The following ARHGAP24 variants were observed in gnomAD, a reference collection of about 807,000 sequenced individuals.
ARHGAP24 encodes rho GTPase-activating protein 24.
In ARHGAP24, 50 loss-of-function variants were observed where a neutral mutation model predicts 76.4. The observed-to-expected ratio is 0.65, with a 90% CI of 0.52 to 0.83. ARHGAP24 has a LOEUF of 0.83. ARHGAP24 is among the 40% of genes least tolerant of loss of function. ARHGAP24 has a pLI of 0.00. For missense variants in ARHGAP24, 930 were observed against 914.2 expected, an observed-to-expected ratio of 1.02 and a Z score of -0.22; for synonymous variants, 345 against 323.3, an observed-to-expected ratio of 1.07 and a Z score of -0.72.
chr4:85,932,573 T>C (rs1446202050), intron 4 of ARHGAP24, among the ~76,000 whole-genome samples: 1 of 152,034 alleles, frequency 6.6e-6, no homozygotes, highest in African/African-American at 2.4e-5. Flanking sequence ...GGAAGAACAT[T>C]CCCATGGACT....
At chr4:85,947,970 A>G (rs1334313159) in intron 5 of ARHGAP24, among the ~76,000 whole-genome samples, 1 of 152,224 alleles carries the variant, frequency 6.6e-6, no homozygotes, top group Non-Finnish European at 1.5e-5. Context: ...AAGGATTCAT[A>G]AATTTACTCT....
intron 1 of ARHGAP24, among the ~76,000 whole-genome samples, chr4:85,531,644 G>T (rs946183615): frequency 9.9e-5 from 15 of 152,130 alleles, no homozygotes; most frequent in South Asian, 8.3e-4. Flanking sequence ...AAATAACTAT[G>T]CAGAGTATAT....
At chr4:85,790,796 C>T (rs1728083603) in intron 3 of ARHGAP24, among the ~76,000 whole-genome samples, 1 of 152,282 alleles carries the variant, frequency 6.6e-6, no homozygotes, top group African/African-American at 2.4e-5. Context: ...TCCATGGCTA[C>T]AGTATATGCT....
At chr4:85,917,281 A>G (rs1735468922) in intron 3 of ARHGAP24, among the ~76,000 whole-genome samples, 1 of 152,044 alleles carries the variant, frequency 6.6e-6, no homozygotes, top group Non-Finnish European at 1.5e-5. Flanking sequence ...CATGGTGTAT[A>G]TGTGCCACAT....
chr4:85,518,828 T>A (rs1022931476), intron 1 of ARHGAP24, among the ~76,000 whole-genome samples: 1 of 152,210 alleles, frequency 6.6e-6, no homozygotes, highest in African/African-American at 2.4e-5. Context: ...TATAAACATG[T>A]GTGTGCAAGT....
At chr4:85,692,294 T>C (rs965731318) in intron 2 of ARHGAP24, among the ~76,000 whole-genome samples, 2 of 152,210 alleles carry the variant, frequency 1.3e-5, no homozygotes, top group African/African-American at 4.8e-5. Flanking sequence ...GGGAATCCAA[T>C]TACTATGTGC....
chr4:85,759,726 G>GAATGGA (rs1726664213), intron 3 of ARHGAP24, among the ~76,000 whole-genome samples: 1 of 152,166 alleles, frequency 6.6e-6, no homozygotes, highest in African/African-American at 2.4e-5. Context: ...GTGGCAGTGG[G>GAATGGA]AATGGAAAGA....
chr4:85,543,020 C>G (rs149242594), intron 1 of ARHGAP24, among the ~76,000 whole-genome samples: 5 of 152,124 alleles, frequency 3.3e-5, no homozygotes, highest in African/African-American at 1.2e-4. Context: ...CTGCTGCTAA[C>G]GATGCTGCTG....
intron 1 of ARHGAP24, among the ~76,000 whole-genome samples, chr4:85,489,491 C>G (rs538338715): frequency 2.0e-5 from 3 of 152,180 alleles, no homozygotes; most frequent in Non-Finnish European, 4.4e-5. Flanking sequence ...GGACTCCTTT[C>G]TTAAACAGGA....
At chr4:85,944,634 T>C (rs1360533553) in intron 5 of ARHGAP24, among the ~76,000 whole-genome samples, 3 of 152,294 alleles carry the variant, frequency 2.0e-5, no homozygotes, top group East Asian at 1.9e-4. Context: ...AGTCATGAAG[T>C]CTTTGTCTGG....
rs142815222 is a variant in ARHGAP24 at position 85,819,957 on chromosome 4, C to T, written c.268+97985C>T. ...AGATGCCAGCATCATGCTTCCTGTACGGCCTATGGAACCATGAGCCAATTA... is the reference window on the plus strand; with the variant it reads ...AGATGCCAGCATCATGCTTCCTGTATGGCCTATGGAACCATGAGCCAATTA... On this transcript the variant is annotated intron_variant, in intron 3 of 9. Transcript: ENST00000395184. Among the ~76,000 whole-genome samples, 866 of 151,046 alleles carry T rather than the reference C, an allele frequency of 5.7e-3. 7 individuals are homozygous for T. Among genetic ancestry groups the T allele is most frequent in the Admixed American group, 0.01 (154 of 15,258 alleles).
At chr4:85,507,001 A>G (rs546572921) in intron 1 of ARHGAP24, among the ~76,000 whole-genome samples, 8 of 152,312 alleles carry the variant, frequency 5.3e-5, no homozygotes, top group African/African-American at 1.4e-4. Context: ...TAAATTTGGT[A>G]GATTCCAATT....
chr4:85,506,054 G>A (rs569671982), intron 1 of ARHGAP24, among the ~76,000 whole-genome samples: 209 of 152,216 alleles, frequency 1.4e-3, no homozygotes, highest in African/African-American at 4.9e-3. Flanking sequence ...ATCAGTGGAG[G>A]CTGCAGAACA....
chr4:85,817,730 C>G (rs1729303355), intron 3 of ARHGAP24, among the ~76,000 whole-genome samples: 1 of 152,106 alleles, frequency 6.6e-6, no homozygotes. Context: ...GTATTTAATA[C>G]AAAAGGTTGG....
chr4:85,650,008 T>C (rs1156459457), intron 2 of ARHGAP24, among the ~76,000 whole-genome samples: 1 of 152,138 alleles, frequency 6.6e-6, no homozygotes, highest in South Asian at 2.1e-4. Context: ...GCCTAGACTT[T>C]CTGCATCCAA....
chr4:85,959,946 T>A (rs1459875806), intron 5 of ARHGAP24, among the ~76,000 whole-genome samples: 1 of 152,192 alleles, frequency 6.6e-6, no homozygotes, highest in Non-Finnish European at 1.5e-5. Flanking sequence ...ATGGCTATTT[T>A]TTACTTTTTA....
At chr4:85,515,215 G>A (rs1052482194) in intron 1 of ARHGAP24, among the ~76,000 whole-genome samples, 5 of 152,228 alleles carry the variant, frequency 3.3e-5, no homozygotes, top group African/African-American at 2.4e-5. Context: ...AAGCAGAGAA[G>A]TATTTTTGTT....
At chr4:85,645,427 A>G (rs1216147398) in intron 2 of ARHGAP24, among the ~76,000 whole-genome samples, 1 of 152,144 alleles carries the variant, frequency 6.6e-6, no homozygotes, top group African/African-American at 2.4e-5. Flanking sequence ...AATCTGCATG[A>G]TAATCAAGAG....
At chr4:85,811,647 A>G (rs1451040823) in intron 3 of ARHGAP24, among the ~76,000 whole-genome samples, 1 of 152,246 alleles carries the variant, frequency 6.6e-6, no homozygotes, top group Non-Finnish European at 1.5e-5. Flanking sequence ...TAATGAAGAT[A>G]CAATCCCAAC....
Sources: gnomAD v4.1 joint callset for allele counts (sites outside exome capture counted in the v4.1 genomes callset) on GRCh38, gnomAD v4.1.1 for gene constraint, MANE v1.5 for transcripts, NCBI Gene and HGNC (gene_info 2026-07-23, HGNC 2026-07-21) for gene names.